SLC9B1: variants seen among roughly 807,000 people sequenced by gnomAD.
The protein encoded by SLC9B1 is solute carrier family 9 member B1.
SLC9B1 carries 32 observed loss-of-function variants against 51.7 expected under a neutral mutation model. The ratio of observed to expected loss-of-function variants is 0.62; its 90% CI spans 0.47 to 0.83. The LOEUF (loss-of-function observed/expected upper bound fraction) is 0.83, where lower values mean the gene tolerates loss of function less well. SLC9B1 is among the 40% of genes least tolerant of loss of function. The pLI is 0.00. For missense variants in SLC9B1, 406 were observed against 613.2 expected, an observed-to-expected ratio of 0.66 and a Z score of 3.57; for synonymous variants, 145 against 212.7, an observed-to-expected ratio of 0.68 and a Z score of 2.77.
intron 3 of SLC9B1, among the ~76,000 whole-genome samples, chr4:102,965,601 A>C (rs1230031313): frequency 6.6e-6 from 1 of 152,154 alleles, no homozygotes. Flanking sequence ...AGAGACACGG[A>C]AACCATGGCA....
intron 1 of SLC9B1, 134 bp from the exon 2 acceptor site, chr4:102,991,846 T>A: frequency 1.8e-6 from 1 of 566,682 alleles, no homozygotes; most frequent in Non-Finnish European, 3.0e-6. Flanking sequence ...AAGTCAGATA[T>A]CTTTATAGTC....
chr4:102,978,614 A>C (rs1278381371), intron 3 of SLC9B1, among the ~76,000 whole-genome samples: 1 of 152,242 alleles, frequency 6.6e-6, no homozygotes, highest in East Asian at 1.9e-4. Context: ...CCACGATGAG[A>C]TACCATCTCA....
At chr4:102,984,769 C>T (rs1739528700) in intron 3 of SLC9B1, among the ~76,000 whole-genome samples, 1 of 152,172 alleles carries the variant, frequency 6.6e-6, no homozygotes, top group African/African-American at 2.4e-5. Flanking sequence ...CTGTCTCTGT[C>T]CATTTCGGAT....
At position 102,941,411 on chromosome 4, in the gene SLC9B1, A is replaced by G. The variant is rs116168106; in HGVS notation, c.653+3782T>C. The G allele has an allele frequency of 4.5e-3, 2,052 of 453,898 alleles. 42 individuals are homozygous for G. Among genetic ancestry groups the G allele is most frequent in the African/African-American group, 0.034 (1,723 of 50,030 alleles). 28.1% of individuals were successfully genotyped at this position (453,898 alleles called of 1,614,324 possible). On this transcript the variant is annotated intron_variant, in intron 6 of 11. Coordinates refer to ENST00000296422, the MANE Select transcript of SLC9B1 (RefSeq NM_139173.4). ...TGGAAAAATATTCAACATCACTAAC[A>G]TTAGAGAAATGCAAAACAAAACTGC...
At chr4:102,919,699 G>A (rs1226023466) in intron 7 of SLC9B1, among the ~76,000 whole-genome samples, 2 of 152,174 alleles carry the variant, frequency 1.3e-5, no homozygotes, top group African/African-American at 2.4e-5. Flanking sequence ...GGGCACTCCT[G>A]CCCAAATACT....
chr4:102,963,349 C>A, intron 3 of SLC9B1: 2 of 235,690 alleles, frequency 8.5e-6, no homozygotes, highest in South Asian at 6.3e-5. Context: ...TTGAAAGCAT[C>A]ATTTAATAGT....
intron 5 of SLC9B1, among the ~76,000 whole-genome samples, chr4:102,946,426 T>C (rs1737270448): frequency 6.6e-6 from 1 of 151,846 alleles, no homozygotes; most frequent in Non-Finnish European, 1.5e-5. Flanking sequence ...TTCTCTTGCC[T>C]CAGCCTCCCG....
chr4:102,962,461 T>C, intron 3 of SLC9B1: 1 of 509,866 alleles, frequency 2.0e-6, no homozygotes, highest in Non-Finnish European at 4.0e-6. Flanking sequence ...AGAGCATTTT[T>C]GCAGAAATTA....
intron 10 of SLC9B1, chr4:102,906,281 T>G (rs1735050054): frequency 4.6e-6 from 1 of 217,310 alleles, no homozygotes; most frequent in African/African-American, 2.3e-5. Context: ...ATCAAATATG[T>G]TCCCTCAGGA....
chr4:102,955,619 G>T (rs1702849465), intron 3 of SLC9B1, among the ~76,000 whole-genome samples: 1 of 151,936 alleles, frequency 6.6e-6, no homozygotes, highest in African/African-American at 2.4e-5. Context: ...TTGCAGCTTT[G>T]CTAGTCTGAG....
intron 6 of SLC9B1, among the ~76,000 whole-genome samples, chr4:102,935,312 T>C (rs1045586775): frequency 2.0e-5 from 3 of 152,144 alleles, no homozygotes; most frequent in African/African-American, 4.8e-5. Context: ...AATTATCAGA[T>C]GTGAAAACAT....
intron 11 of SLC9B1, chr4:102,891,379 T>C (rs1734241836): frequency 6.6e-6 from 1 of 152,184 alleles, no homozygotes; most frequent in African/African-American, 2.4e-5. Flanking sequence ...GGAACAAAAA[T>C]AAATTTAAGG....
chr4:102,920,450 G>T (rs1229824902), intron 7 of SLC9B1, among the ~76,000 whole-genome samples: 1 of 152,172 alleles, frequency 6.6e-6, no homozygotes, highest in African/African-American at 2.4e-5. Context: ...AAAGGATAGG[G>T]ATAAACCAGA....
At chr4:103,009,918 AT>A (rs36037588) in intron 1 of SLC9B1, among the ~76,000 whole-genome samples, 15 of 151,762 alleles carry the variant, frequency 9.9e-5, no homozygotes, top group African/African-American at 3.6e-4. Context: ...CTAGGTCAGT[AT>A]TTTTTTTAAG....
intron 1 of SLC9B1, among the ~76,000 whole-genome samples, chr4:102,999,287 T>C (rs1740394318): frequency 6.6e-6 from 1 of 152,236 alleles, no homozygotes; most frequent in Admixed American, 6.5e-5. Context: ...TGCACATAAG[T>C]TTTAAATGTT....
At chr4:103,000,790 C>T (rs1000392197) in intron 1 of SLC9B1, among the ~76,000 whole-genome samples, 19 of 152,124 alleles carry the variant, frequency 1.2e-4, no homozygotes, top group South Asian at 4.1e-4. Context: ...GAGTGTCTGC[C>T]GACATTACAG....
At chr4:102,909,735 G>A (rs1735245637) in intron 9 of SLC9B1, among the ~76,000 whole-genome samples, 6 of 152,430 alleles carry the variant, frequency 3.9e-5, no homozygotes, top group African/African-American at 1.4e-4. Flanking sequence ...ATATTTGACA[G>A]TGGTGGGGAA....
chr4:102,962,869 C>G, intron 3 of SLC9B1: 4 of 471,460 alleles, frequency 8.5e-6, no homozygotes, highest in South Asian at 6.1e-5. Context: ...ATGTGATCAA[C>G]CAGGAGAAGT....
At chr4:103,003,773 C>T (rs983967144) in intron 1 of SLC9B1, among the ~76,000 whole-genome samples, 3 of 152,134 alleles carry the variant, frequency 2.0e-5, no homozygotes, top group Non-Finnish European at 2.9e-5. Flanking sequence ...GGCCAGAGAA[C>T]AGAGCTAGGG....
Sources: allele counts gnomAD v4.1 joint callset (sites outside exome capture counted in the v4.1 genomes callset), GRCh38; gene constraint gnomAD v4.1.1; transcripts MANE v1.5; gene names NCBI Gene and HGNC (gene_info 2026-07-23, HGNC 2026-07-21).